The following CADM2 variants were observed in gnomAD, a reference collection of about 807,000 sequenced individuals.
CADM2 encodes cell adhesion molecule 2.
Under a neutral mutation model 49.8 loss-of-function variants are expected in CADM2, and 12 were observed. The observed-to-expected ratio is 0.24, with a 90% CI of 0.15 to 0.39. The LOEUF is 0.39. CADM2 is among the 10% of genes least tolerant of loss of function. CADM2 has a pLI of 1.00. For synonymous variants in CADM2, 214 were observed against 175.4 expected (o/e 1.22, Z -1.74); for missense variants, 378 against 492.3 (o/e 0.77, Z 2.20).
At chr3:85,727,863 T>A (rs2067768535) in intron 2 of CADM2, among the ~76,000 whole-genome samples, 1 of 152,074 alleles carries the variant, frequency 6.6e-6, no homozygotes, top group Non-Finnish European at 1.5e-5. Context: ...TTTAAAAAAA[T>A]AATTAGAAAG....
At chr3:85,680,643 G>C (rs891994749) in intron 1 of CADM2, among the ~76,000 whole-genome samples, 2 of 152,072 alleles carry the variant, frequency 1.3e-5, no homozygotes, top group African/African-American at 2.4e-5. Flanking sequence ...CATACCCATA[G>C]AGAGACGTTT....
chr3:85,622,646 C>A (rs988906082), intron 1 of CADM2, among the ~76,000 whole-genome samples: 1 of 152,036 alleles, frequency 6.6e-6, no homozygotes, highest in African/African-American at 2.4e-5. Flanking sequence ...AACTTTTGGC[C>A]TGAAACTATG....
At chr3:85,319,332 T>C (rs1394554243) in intron 1 of CADM2, among the ~76,000 whole-genome samples, 1 of 152,186 alleles carries the variant, frequency 6.6e-6, no homozygotes, top group East Asian at 1.9e-4. Context: ...GGAATGCTTA[T>C]AGACTGTTGG....
chr3:85,893,569 A>ATGGAAGAAAATTTC (rs1171199417), intron 5 of CADM2, among the ~76,000 whole-genome samples: 2 of 152,154 alleles, frequency 1.3e-5, no homozygotes, highest in Non-Finnish European at 2.9e-5. Context: ...AACCCACAGA[A>ATGGAAGAAAATTTC]TGGAAGAAAA....
intron 1 of CADM2, among the ~76,000 whole-genome samples, chr3:85,608,586 A>T (rs1386810181): frequency 6.6e-6 from 1 of 152,160 alleles, no homozygotes; most frequent in Non-Finnish European, 1.5e-5. Context: ...CGATGGGATA[A>T]AGCATCCAAA....
chr3:85,067,813 A>T (rs1436699193), intron 1 of CADM2, among the ~76,000 whole-genome samples: 10 of 152,294 alleles, frequency 6.6e-5, no homozygotes, highest in Non-Finnish European at 1.3e-4. Flanking sequence ...TTTCTTTATT[A>T]AAAAATCATT....
At chr3:85,420,756 G>C (rs369083130) in intron 1 of CADM2, among the ~76,000 whole-genome samples, 5 of 152,270 alleles carry the variant, frequency 3.3e-5, no homozygotes, top group South Asian at 2.1e-4. Context: ...TAATATTAAA[G>C]ATACGGTTAA....
chr3:85,248,840 G>A (rs1466776093), intron 1 of CADM2, among the ~76,000 whole-genome samples: 3 of 152,132 alleles, frequency 2.0e-5, no homozygotes, highest in Admixed American at 2.0e-4. Context: ...TACATCAGAT[G>A]CCATTCTGGT....
intron 1 of CADM2, among the ~76,000 whole-genome samples, chr3:85,048,063 G>T (rs547323687): frequency 6.6e-6 from 1 of 152,028 alleles, no homozygotes; most frequent in South Asian, 2.1e-4. Context: ...GAAAAATAAA[G>T]CTCCAAATAC....
In CADM2 at chr3:85,769,587, ATAG is replaced by A. The variant is rs1205882196; in HGVS notation, c.89-32457_89-32455del. On this transcript the variant is annotated intron_variant, in intron 2 of 9. Transcript: ENST00000383699. ...TACACGTATATACATATATACATATATAGTATATACACATATATACATATATAC... is the reference window on the plus strand; with the variant it reads ...TACACGTATATACATATATACATATATATATACACATATATACATATATAC... 2.4e-4 allele frequency among the ~76,000 whole-genome samples: 24 copies of A among 100,160 alleles called. 2 individuals carry two copies. Among genetic ancestry groups the A allele is most frequent in the African/African-American group, 8.4e-4 (20 of 23,848 alleles). The allele number at this position is 100,160 out of a possible 152,430, so 65.7% of individuals were successfully genotyped here. A position where few individuals can be genotyped will look rare whatever the true frequency, so the allele number is the denominator to read the frequency against.
intron 8 of CADM2, among the ~76,000 whole-genome samples, chr3:85,964,981 A>G (rs892925369): frequency 1.3e-5 from 2 of 151,556 alleles, no homozygotes; most frequent in Admixed American, 6.6e-5. Context: ...TGCTATTCTT[A>G]ACATGTGAAG....
chr3:86,002,177 A>G (rs984253617), intron 8 of CADM2, among the ~76,000 whole-genome samples: 3 of 152,178 alleles, frequency 2.0e-5, no homozygotes, highest in South Asian at 2.1e-4. Flanking sequence ...AAGAAGATAT[A>G]TAAATAGATA....
At chr3:85,610,004 T>C (rs1215294029) in intron 1 of CADM2, among the ~76,000 whole-genome samples, 1 of 152,058 alleles carries the variant, frequency 6.6e-6, no homozygotes, top group Admixed American at 6.6e-5. Flanking sequence ...ATTTCCGCTG[T>C]ATTTATGACA....
chr3:85,422,581 C>A (rs905117381), intron 1 of CADM2, among the ~76,000 whole-genome samples: 8 of 152,090 alleles, frequency 5.3e-5, no homozygotes, highest in Non-Finnish European at 1.0e-4. Context: ...CCAGCCCAGT[C>A]TTTTAAAATA....
intron 1 of CADM2, among the ~76,000 whole-genome samples, chr3:84,970,273 G>GT (rs2031326891): frequency 1.4e-5 from 1 of 70,880 alleles, no homozygotes; most frequent in African/African-American, 1.0e-4. Context: ...GATTGAATTT[G>GT]ATTTTTTTTT....
intron 2 of CADM2, among the ~76,000 whole-genome samples, chr3:85,767,180 C>T (rs1305089046): frequency 6.6e-6 from 1 of 152,138 alleles, no homozygotes; most frequent in Non-Finnish European, 1.5e-5. Context: ...TTAGTGACCA[C>T]CTTAAAGTTC....
intron 1 of CADM2, among the ~76,000 whole-genome samples, chr3:85,116,982 G>T (rs2038661805): frequency 6.6e-6 from 1 of 152,088 alleles, no homozygotes; most frequent in Non-Finnish European, 1.5e-5. Flanking sequence ...GATCATTGAG[G>T]TCAGGAGTTC....
At chr3:85,082,810 A>T (rs1280519242) in intron 1 of CADM2, among the ~76,000 whole-genome samples, 1 of 152,110 alleles carries the variant, frequency 6.6e-6, no homozygotes, top group East Asian at 1.9e-4. Context: ...GGCATATTTG[A>T]TGATGGGGAA....
At chr3:86,062,956 G>C (rs566499500) in intron 8 of CADM2, among the ~76,000 whole-genome samples, 13 of 152,066 alleles carry the variant, frequency 8.5e-5, no homozygotes, top group Non-Finnish European at 1.3e-4. Flanking sequence ...TAGTTGTCTA[G>C]AACACAAATC....
Sources: gnomAD v4.1 joint callset for allele counts (sites outside exome capture counted in the v4.1 genomes callset) on GRCh38, gnomAD v4.1.1 for gene constraint, MANE v1.5 for transcripts, NCBI Gene and HGNC (gene_info 2026-07-23, HGNC 2026-07-21) for gene names.